Variants in SYN3 observed in about 807,000 individuals in gnomAD.
The protein encoded by SYN3 is synapsin III.
SYN3 carries 35 observed loss-of-function variants against 65.8 expected under a neutral mutation model. The observed-to-expected ratio is 0.53, with a 90% CI of 0.41 to 0.70. The LOEUF (loss-of-function observed/expected upper bound fraction) is 0.70, where lower values mean the gene tolerates loss of function less well. Ranked by LOEUF, SYN3 falls within the 30% of genes least tolerant of loss-of-function variation. The pLI is 0.00. For missense variants in SYN3, 680 were observed against 749.0 expected, an observed-to-expected ratio of 0.91 and a Z score of 1.08; for synonymous variants, 270 against 292.9, an observed-to-expected ratio of 0.92 and a Z score of 0.80.
rs143532470 is a variant in SYN3 at position 32,585,932 on chromosome 22, G to GTA, written c.774+10740_774+10741dup. Among the ~76,000 whole-genome samples, 395 of 66,974 alleles carry GTA rather than the reference G, an allele frequency of 5.9e-3. 1 individual carries two copies. Among genetic ancestry groups the GTA allele is most frequent in the Middle Eastern group, 0.015 (2 of 134 alleles). 43.9% of individuals were successfully genotyped at this position (66,974 alleles called of 152,430 possible). ...TATGTATACATATATGTGTATATACGTATATGTGTATGTATACATATATGT... is the reference window on the plus strand; with the variant it reads ...TATGTATACATATATGTGTATATACGTATATATGTGTATGTATACATATATGT... On this transcript the variant is annotated intron_variant, in intron 7 of 13. Transcript: ENST00000358763.
At chr22:32,875,086 C>T (rs889635573) in intron 4 of SYN3, among the ~76,000 whole-genome samples, 5 of 152,160 alleles carry the variant, frequency 3.3e-5, no homozygotes, top group East Asian at 1.9e-4. Flanking sequence ...TGATGCTTCC[C>T]GCCAGCCCGA....
chr22:32,857,167 T>C, intron 6 of SYN3: 1 of 1,053,382 alleles, frequency 9.5e-7, no homozygotes, highest in Non-Finnish European at 1.5e-6. Context: ...TTCCTTTGGA[T>C]ACATACCCAG....
At chr22:32,757,964 T>C (rs779878437) in intron 6 of SYN3, among the ~76,000 whole-genome samples, 24 of 152,240 alleles carry the variant, frequency 1.6e-4, no homozygotes, top group Non-Finnish European at 2.6e-4. Flanking sequence ...GCTATGACCA[T>C]GTGACCAGCT....
At chr22:32,684,938 G>A (rs1435798070) in intron 6 of SYN3, among the ~76,000 whole-genome samples, 3 of 152,182 alleles carry the variant, frequency 2.0e-5, no homozygotes, top group African/African-American at 7.2e-5. Context: ...AGGACGAAAT[G>A]AGATAAAGTA....
intron 7 of SYN3, among the ~76,000 whole-genome samples, chr22:32,587,948 C>A (rs1204535165): frequency 6.6e-6 from 1 of 152,010 alleles, no homozygotes; most frequent in Non-Finnish European, 1.5e-5. Flanking sequence ...GAGGGTTGTG[C>A]CCCACTCCAC....
At chr22:32,528,778 C>A in intron 11 of SYN3, 96 bp downstream of exon 11, 1 of 1,541,162 alleles carries the variant, frequency 6.5e-7, no homozygotes, top group South Asian at 1.2e-5. Context: ...TGGTTTCTTC[C>A]TGGGGGTATC....
intron 6 of SYN3, among the ~76,000 whole-genome samples, chr22:32,800,893 A>G (rs550222816): frequency 2.1e-4 from 32 of 152,258 alleles, no homozygotes; most frequent in African/African-American, 7.7e-4. Flanking sequence ...CCCTTCCCTT[A>G]CTATCGCAGA....
At chr22:32,730,007 G>A (rs1052704568) in intron 6 of SYN3, among the ~76,000 whole-genome samples, 2 of 152,154 alleles carry the variant, frequency 1.3e-5, no homozygotes, top group African/African-American at 4.8e-5. Flanking sequence ...TAATGCTCAC[G>A]AGATGGATGA....
intron 4 of SYN3, among the ~76,000 whole-genome samples, chr22:32,872,984 C>T (rs1453809539): frequency 7.7e-5 from 11 of 142,210 alleles, no homozygotes; most frequent in Admixed American, 7.4e-4. Flanking sequence ...CTCTATTGTC[C>T]ATATTGTCCA....
At position 33,001,720 on chromosome 22, in the gene SYN3, C is replaced by A. The variant is rs1343398170; in HGVS notation, c.311+4632G>T. ...ACTGTTATACTAACTCAGATCTTAA[C>A]CCTACTTACATACATTAACTCTATG... On this transcript the variant is annotated intron_variant, in intron 2 of 13. Transcript: ENST00000358763. Among the ~76,000 whole-genome samples, 3 of 152,192 alleles carry A rather than the reference C, an allele frequency of 2.0e-5. No individual in the cohort carries two copies. The East Asian group carries it at 5.8e-4, about 29-fold the overall frequency.
chr22:32,561,379 G>T (rs1010688581), intron 7 of SYN3, among the ~76,000 whole-genome samples: 7 of 152,146 alleles, frequency 4.6e-5, no homozygotes, highest in African/African-American at 1.7e-4. Context: ...CTTGATACAG[G>T]GTAGGTGCCT....
intron 6 of SYN3, among the ~76,000 whole-genome samples, chr22:32,849,705 G>A (rs2048165877): frequency 1.3e-5 from 2 of 152,144 alleles, no homozygotes; most frequent in Non-Finnish European, 2.9e-5. Context: ...AAAGGGATGG[G>A]TAGGGAGGGG....
chr22:32,999,145 C>T (rs1481552776), intron 2 of SYN3, among the ~76,000 whole-genome samples: 1 of 152,182 alleles, frequency 6.6e-6, no homozygotes, highest in Non-Finnish European at 1.5e-5. Flanking sequence ...TGTGCGCCTG[C>T]ATGATGCGCC....
chr22:32,518,944 C>T (rs562321039), intron 12 of SYN3, among the ~76,000 whole-genome samples: 1 of 152,154 alleles, frequency 6.6e-6, no homozygotes, highest in South Asian at 2.1e-4. Context: ...TCTGATAGGC[C>T]TGGTGTCCTT....
intron 13 of SYN3, among the ~76,000 whole-genome samples, chr22:32,515,501 A>C (rs932704381): frequency 1.3e-5 from 2 of 152,008 alleles, no homozygotes; most frequent in African/African-American, 4.8e-5. Context: ...AGGCAGTCTG[A>C]CTCTAGAGTC....
intron 6 of SYN3, among the ~76,000 whole-genome samples, chr22:32,774,589 C>A (rs1029991062): frequency 1.6e-5 from 2 of 126,132 alleles, no homozygotes; most frequent in Non-Finnish European, 3.3e-5. Flanking sequence ...CTGTTTTAAG[C>A]ATTGCACTTT....
intron 6 of SYN3, among the ~76,000 whole-genome samples, chr22:32,640,288 T>C (rs796859910): frequency 2.6e-5 from 4 of 152,290 alleles, no homozygotes; most frequent in African/African-American, 9.6e-5. Flanking sequence ...TGTAAGCTCC[T>C]TGGAGGCAGG....
chr22:32,708,843 G>A (rs2060915727), intron 6 of SYN3, among the ~76,000 whole-genome samples: 1 of 152,226 alleles, frequency 6.6e-6, no homozygotes, highest in Admixed American at 6.5e-5. Context: ...CCCTCACGGG[G>A]CCCTTGAGCC....
intron 3 of SYN3, among the ~76,000 whole-genome samples, chr22:32,948,279 G>A (rs892054076): frequency 6.6e-6 from 1 of 152,128 alleles, no homozygotes; most frequent in South Asian, 2.1e-4. Context: ...CATTTTCATA[G>A]GTTCCAGGGA....
Sources: allele counts gnomAD v4.1 joint callset (sites outside exome capture counted in the v4.1 genomes callset), GRCh38; gene constraint gnomAD v4.1.1; transcripts MANE v1.5; gene names NCBI Gene and HGNC (gene_info 2026-07-23, HGNC 2026-07-21).